The following FAM168A variants were observed in gnomAD, a reference collection of about 807,000 sequenced individuals.
The protein encoded by FAM168A is protein FAM168A.
A neutral mutation model predicts 28.5 loss-of-function variants in FAM168A; 3 were observed. The observed-to-expected ratio is 0.11, with a 90% CI of 0.05 to 0.27. The LOEUF (loss-of-function observed/expected upper bound fraction) is 0.27, where lower values mean the gene tolerates loss of function less well. Ranked by LOEUF, FAM168A falls within the 10% of genes least tolerant of loss-of-function variation. The pLI is 1.00. For synonymous variants in FAM168A, 122 were observed against 124.2 expected (o/e 0.98, Z 0.12); for missense variants, 222 against 311.5 (o/e 0.71, Z 2.16).
chr11:73,440,629 A>C (rs1867176757), intron 2 of FAM168A, among the ~76,000 whole-genome samples: 1 of 152,222 alleles, frequency 6.6e-6, no homozygotes, highest in Admixed American at 6.5e-5. Context: ...ACCCTGTCTC[A>C]AAAGAAGAAA....
chr11:73,462,527 C>A (rs896707960), intron 2 of FAM168A, among the ~76,000 whole-genome samples: 4 of 152,080 alleles, frequency 2.6e-5, no homozygotes, highest in Non-Finnish European at 5.9e-5. Flanking sequence ...TCAATAGTGA[C>A]GACAGTTGCA....
At chr11:73,436,856 A>C (rs1378575779) in intron 2 of FAM168A, among the ~76,000 whole-genome samples, 3 of 152,190 alleles carry the variant, frequency 2.0e-5, no homozygotes, top group Non-Finnish European at 4.4e-5. Flanking sequence ...AAACCAAGGA[A>C]AAAAGGAAAT....
chr11:73,572,088 C>G (rs1471911234), intron 1 of FAM168A, among the ~76,000 whole-genome samples: 1 of 151,982 alleles, frequency 6.6e-6, no homozygotes. Context: ...AGGAGCCCCT[C>G]CGCCCGGCAG....
intron 1 of FAM168A, chr11:73,580,547 G>A: frequency 1.7e-6 from 1 of 575,176 alleles, no homozygotes. Flanking sequence ...TAATAACCAT[G>A]TACTTCTGGT....
intron 1 of FAM168A, among the ~76,000 whole-genome samples, chr11:73,585,745 G>A (rs947184282): frequency 1.3e-5 from 2 of 151,768 alleles, no homozygotes; most frequent in African/African-American, 2.4e-5. Flanking sequence ...GCACGCGCCC[G>A]TAAACCCAGC....
chr11:73,425,055 G>C (rs1866864819), intron 3 of FAM168A: 1 of 1,527,814 alleles, frequency 6.5e-7, no homozygotes, highest in Non-Finnish European at 8.7e-7. Context: ...AACTCTGTTG[G>C]ATAGAAATGT....
At chr11:73,560,191 G>A (rs1943942231) in intron 1 of FAM168A, among the ~76,000 whole-genome samples, 1 of 151,924 alleles carries the variant, frequency 6.6e-6, no homozygotes, top group Non-Finnish European at 1.5e-5. Context: ...AGCCTCCTGA[G>A]GAGCTGAGAC....
At chr11:73,427,184 C>T (rs933117133) in intron 3 of FAM168A, among the ~76,000 whole-genome samples, 6 of 151,824 alleles carry the variant, frequency 4.0e-5, no homozygotes, top group African/African-American at 1.5e-4. Flanking sequence ...GTAGAGACAG[C>T]GTTTCACGGT....
At position 73,407,726 on chromosome 11, in the gene FAM168A, A is replaced by G. The variant is rs1276375966; in HGVS notation, c.596-83T>C. 1.2e-5 allele frequency: 14 copies of G among 1,160,634 alleles called. 1 individual carries two copies. Among genetic ancestry groups the G allele is most frequent in the South Asian group, 5.4e-5 (4 of 73,478 alleles). The allele number at this position is 1,160,634 out of a possible 1,614,324, so 71.9% of individuals were successfully genotyped here. A position where few individuals can be genotyped will look rare whatever the true frequency, so the allele number is the denominator to read the frequency against. On this transcript the variant is annotated intron_variant, in intron 6 of 7. Transcript: ENST00000356467. ...AGAGGATGAAGCTACAGTCTTTCACATGGCTGCTCCCTCTGCCCAAATCCC... is the reference window on the plus strand; with the variant it reads ...AGAGGATGAAGCTACAGTCTTTCACGTGGCTGCTCCCTCTGCCCAAATCCC...
chr11:73,494,653 T>G (rs1466102372), intron 1 of FAM168A, among the ~76,000 whole-genome samples: 2 of 152,124 alleles, frequency 1.3e-5, no homozygotes, highest in African/African-American at 4.8e-5. Context: ...ATGGGCACAA[T>G]GAAGAGGTAG....
chr11:73,529,571 C>T (rs1353827047), intron 1 of FAM168A, among the ~76,000 whole-genome samples: 4 of 152,106 alleles, frequency 2.6e-5, no homozygotes, highest in Admixed American at 2.6e-4. Flanking sequence ...GAATGTTCTC[C>T]TTACCTTCTC....
In FAM168A at chr11:73,561,915, A is replaced by T. The variant is rs575474332; in HGVS notation, c.-19+36008T>A. The stretch of plus-strand genomic sequence containing the variant: ...TGAATTTCAATTCTGCAATCTTAGG[A>T]CTGTGGTTTAAAACATTACAGGAGG... On this transcript the variant is annotated intron_variant, in intron 1 of 7. Coordinates refer to ENST00000356467, the MANE Select transcript of FAM168A (RefSeq NM_015159.3). Among the ~76,000 whole-genome samples, 8 of 152,154 alleles carry T rather than the reference A, an allele frequency of 5.3e-5. No homozygotes were observed. In the South Asian group the frequency reaches 1.7e-3, roughly 32 times the overall value.
At chr11:73,445,419 CTTTTTTTTTTTTTTTTT>C (rs56294455) in intron 2 of FAM168A, among the ~76,000 whole-genome samples, 14 of 50,434 alleles carry the variant, frequency 2.8e-4, no homozygotes, top group Admixed American at 1.9e-3. Flanking sequence ...AAAAATGTCT[CTTTTTTTTTTTTTTTTT>C]TTTTTTTTTT....
intron 3 of FAM168A, among the ~76,000 whole-genome samples, chr11:73,426,616 A>G (rs1017393040): frequency 2.6e-5 from 4 of 152,058 alleles, no homozygotes; most frequent in Non-Finnish European, 5.9e-5. Flanking sequence ...CCAGTCAGGA[A>G]ATCTGCACTG....
intron 2 of FAM168A, among the ~76,000 whole-genome samples, chr11:73,467,617 T>C (rs1029172391): frequency 6.6e-5 from 10 of 152,216 alleles, no homozygotes; most frequent in Non-Finnish European, 2.9e-5. Flanking sequence ...TTTAGCAACT[T>C]AGTAAGAACG....
intron 1 of FAM168A, among the ~76,000 whole-genome samples, chr11:73,516,029 A>C (rs1218077102): frequency 6.6e-6 from 1 of 150,548 alleles, no homozygotes; most frequent in South Asian, 2.1e-4. Context: ...TGAACCCAGG[A>C]GGCGGAGGTT....
At chr11:73,585,871 CAAAAAAA>C (rs11358691) in intron 1 of FAM168A, among the ~76,000 whole-genome samples, 4 of 81,662 alleles carry the variant, frequency 4.9e-5, no homozygotes, top group African/African-American at 1.2e-4. Flanking sequence ...CCATCTCAAA[CAAAAAAA>C]AAAAAAAAAA....
chr11:73,452,819 AT>A lies in FAM168A; in HGVS notation c.70+15585del, dbSNP rs201832123. ...AATGTTTTGCAAAAAAAAAATAATA[AT>A]AATAAGTAAAATAATGACATAATTC... On this transcript the variant is annotated intron_variant, in intron 2 of 7. Coordinates refer to ENST00000356467, the MANE Select transcript of FAM168A (RefSeq NM_015159.3). Among the ~76,000 whole-genome samples the A allele has an allele frequency of 2.9e-3, 429 of 150,380 alleles. 4 individuals carry two copies. Among genetic ancestry groups the A allele is most frequent in the African/African-American group, 0.01 (411 of 39,798 alleles).
intron 1 of FAM168A, among the ~76,000 whole-genome samples, chr11:73,587,152 TAAAAAAAAA>T (rs1158411875): frequency 4.9e-5 from 4 of 81,374 alleles, no homozygotes; most frequent in Admixed American, 1.4e-4. Flanking sequence ...ATGGACATGT[TAAAAAAAAA>T]AAAAAAAAAA....
Sources: allele counts gnomAD v4.1 joint callset (sites outside exome capture counted in the v4.1 genomes callset), GRCh38; gene constraint gnomAD v4.1.1; transcripts MANE v1.5; gene names NCBI Gene and HGNC (gene_info 2026-07-23, HGNC 2026-07-21).